RAPGEF1: variants seen among roughly 807,000 people sequenced by gnomAD.
RAPGEF1 encodes the protein CRK SH3-binding GNRP.
Under a neutral mutation model 143.3 loss-of-function variants are expected in RAPGEF1, and 33 were observed. The ratio of observed to expected loss-of-function variants is 0.23; its 90% CI spans 0.17 to 0.31. The LOEUF (loss-of-function observed/expected upper bound fraction) is 0.31, where lower values mean the gene tolerates loss of function less well. Among genes scored for constraint, RAPGEF1 ranks in the 10% least tolerant of loss-of-function variants. The pLI, the probability that RAPGEF1 is intolerant of heterozygous loss-of-function variation, is 1.00. For missense variants in RAPGEF1, 1,199 were observed against 1,645.4 expected (o/e 0.73, Z 4.69); for synonymous variants, 629 against 676.5 (o/e 0.93, Z 1.09).
intron 26 of RAPGEF1, among the ~76,000 whole-genome samples, 172 bp downstream of exon 26, chr9:131,580,091 G>A (rs1049681053): frequency 2.0e-5 from 3 of 152,258 alleles, no homozygotes; most frequent in African/African-American, 7.2e-5. Context: ...AGCCTGGTGG[G>A]CATGCTCTCA....
chr9:131,674,406 C>T (rs1268879536), intron 1 of RAPGEF1, among the ~76,000 whole-genome samples: 1 of 152,206 alleles, frequency 6.6e-6, no homozygotes, highest in Non-Finnish European at 1.5e-5. Flanking sequence ...ATTCTGCCCT[C>T]TTACCCAAAG....
intron 1 of RAPGEF1, among the ~76,000 whole-genome samples, chr9:131,666,223 C>T (rs763686645): frequency 1.1e-4 from 17 of 152,132 alleles, no homozygotes; most frequent in Non-Finnish European, 2.1e-4. Context: ...TTTGGTGGGA[C>T]GCTTCAGCCT....
intron 1 of RAPGEF1, among the ~76,000 whole-genome samples, chr9:131,733,042 G>A (rs1234033627): frequency 1.3e-5 from 2 of 152,152 alleles, no homozygotes; most frequent in African/African-American, 2.4e-5. Context: ...GAGCCCAGAG[G>A]AAGTTGATTT....
At chr9:131,579,745 C>CAG in intron 26 of RAPGEF1, 98 bp from the exon 27 acceptor site, 1 of 1,303,618 alleles carries the variant, frequency 7.7e-7, no homozygotes, top group Admixed American at 2.3e-5. Context: ...ACCATCCCCA[C>CAG]AGCCTCGCAG....
At chr9:131,643,558 T>C (rs532246038) in intron 3 of RAPGEF1, 141 bp from the exon 4 acceptor site, 1 of 826,996 alleles carries the variant, frequency 1.2e-6, no homozygotes, top group African/African-American at 1.7e-5. Flanking sequence ...AGCCAGATCA[T>C]TTTTCTAAGG....
chr9:131,604,552 G>A (rs4237112), intron 13 of RAPGEF1, among the ~76,000 whole-genome samples: 130,281 of 152,304 alleles, frequency 0.86, 55,958 homozygotes, highest in African/African-American at 0.93. Context: ...CCACACTTGC[G>A]AAGGGCTTTG....
At chr9:131,711,286 A>T (rs1447019073) in intron 1 of RAPGEF1, among the ~76,000 whole-genome samples, 2 of 151,846 alleles carry the variant, frequency 1.3e-5, no homozygotes, top group African/African-American at 4.8e-5. Context: ...TCCTGGTCTC[A>T]AGTGAACCTC....
intron 9 of RAPGEF1, among the ~76,000 whole-genome samples, chr9:131,627,048 C>T (rs13297804): frequency 0.21 from 32,492 of 151,576 alleles, 4,144 homozygotes; most frequent in Non-Finnish European, 0.29. Context: ...CCCGTCTCTA[C>T]TAAAAAGACA....
At chr9:131,713,336 C>T (rs1399185884) in intron 1 of RAPGEF1, among the ~76,000 whole-genome samples, 1 of 152,180 alleles carries the variant, frequency 6.6e-6, no homozygotes, top group Non-Finnish European at 1.5e-5. Context: ...CCAGCGACTC[C>T]CTTCCCCATT....
At chr9:131,582,782 T>G in intron 24 of RAPGEF1, 80 bp from the exon 25 acceptor site, 1 of 1,271,034 alleles carries the variant, frequency 7.9e-7, no homozygotes, top group Non-Finnish European at 1.1e-6. Context: ...CTGGTCCTCC[T>G]CACTAACTGG....
chr9:131,653,586 G>GT (rs1393032644), intron 1 of RAPGEF1, among the ~76,000 whole-genome samples: 1 of 152,234 alleles, frequency 6.6e-6, no homozygotes, highest in Non-Finnish European at 1.5e-5. Flanking sequence ...TTAAGGAAAT[G>GT]TAACGCTTCA....
At chr9:131,636,603 A>G (rs1966431052) in intron 5 of RAPGEF1, among the ~76,000 whole-genome samples, 1 of 152,264 alleles carries the variant, frequency 6.6e-6, no homozygotes, top group Admixed American at 6.5e-5. Flanking sequence ...ACTTGTGAAC[A>G]TCTCATCAGA....
chr9:131,631,807 T>C (rs1290881667), intron 5 of RAPGEF1, among the ~76,000 whole-genome samples: 1 of 152,170 alleles, frequency 6.6e-6, no homozygotes, highest in Non-Finnish European at 1.5e-5. Flanking sequence ...GAAAAAAATA[T>C]CAAACAAGAA....
intron 5 of RAPGEF1, 115 bp from the exon 6 acceptor site, chr9:131,630,439 G>T: frequency 1.0e-6 from 1 of 959,794 alleles, no homozygotes; most frequent in Non-Finnish European, 1.6e-6. Context: ...TGTGCCTACA[G>T]ATTCCCCACG....
chr9:131,663,323 G>A (rs1358392640), intron 1 of RAPGEF1, among the ~76,000 whole-genome samples: 2 of 152,056 alleles, frequency 1.3e-5, no homozygotes, highest in African/African-American at 4.8e-5. Context: ...AATACTACCA[G>A]CTGTCTCTCT....
At chr9:131,607,717 C>T (rs1488393584) in intron 12 of RAPGEF1, among the ~76,000 whole-genome samples, 3 of 152,142 alleles carry the variant, frequency 2.0e-5, no homozygotes, top group Admixed American at 1.3e-4. Flanking sequence ...TAAACAGATC[C>T]CCCTCACCTT....
chr9:131,659,215 G>C (rs1465796649), intron 1 of RAPGEF1, among the ~76,000 whole-genome samples: 1 of 152,190 alleles, frequency 6.6e-6, no homozygotes, highest in Non-Finnish European at 1.5e-5. Context: ...TAAAGATGAG[G>C]ATTTCCAATT....
chr9:131,643,118 G>A (rs1205379918), intron 4 of RAPGEF1, 121 bp downstream of exon 4: 1 of 1,118,188 alleles, frequency 8.9e-7, no homozygotes, highest in African/African-American at 1.6e-5. Context: ...GGAAGGATGA[G>A]GGGTGATGGA....
At chr9:131,709,569 G>A in intron 1 of RAPGEF1, 1 of 1,583,356 alleles carries the variant, frequency 6.3e-7, no homozygotes, top group South Asian at 1.1e-5. Context: ...GTCTCTCAGA[G>A]AAAACTGCCT....
Sources: gnomAD v4.1 joint callset for allele counts (sites outside exome capture counted in the v4.1 genomes callset) on GRCh38, gnomAD v4.1.1 for gene constraint, MANE v1.5 for transcripts, NCBI Gene and HGNC (gene_info 2026-07-23, HGNC 2026-07-21) for gene names.